Variants in WDR4 observed in about 807,000 individuals in gnomAD.
The protein encoded by WDR4 is WDR4 tRNA N7-guanosine methyltransferase non-catalytic subunit, also known as tRNA (guanine-N(7)-)-methyltransferase non-catalytic subunit WDR4.
WDR4 carries 47 observed loss-of-function variants against 48.6 expected under a neutral mutation model. That is an observed-to-expected ratio of 0.97 (90% CI 0.77 to 1.23). The LOEUF is 1.23. Among genes scored for constraint, WDR4 ranks in the 50% most tolerant of loss-of-function variants. The pLI is 0.00. For synonymous variants in WDR4, 268 were observed against 230.0 expected, an observed-to-expected ratio of 1.17 and a Z score of -1.49; for missense variants, 606 against 551.6, an observed-to-expected ratio of 1.10 and a Z score of -0.99.
downstream of WDR4, among the ~76,000 whole-genome samples, chr21:42,849,073 C>T (rs530098354): frequency 2.7e-5 from 3 of 110,140 alleles, no homozygotes; most frequent in African/African-American, 6.9e-5. Context: ...ACACACACAG[C>T]GCACGATCAC....
At chr21:42,880,884 A>G (rs2058602914), upstream of WDR4, among the ~76,000 whole-genome samples, 1 of 151,534 alleles carries the variant, frequency 6.6e-6, no homozygotes, top group Non-Finnish European at 1.5e-5. Flanking sequence ...TGGGCTTCTC[A>G]AGAATCTGAT....
At position 42,863,333 on chromosome 21, in the gene WDR4, G is replaced by C. The variant is rs557854460; in HGVS notation, c.453+107C>G. The C allele has an allele frequency of 3.0e-3, 4,152 of 1,380,506 alleles. 12 individuals are homozygous for C. The highest frequency in any genetic ancestry group is 3.2e-3 in the Non-Finnish European group (3,200 of 1,008,368). 85.5% of individuals were successfully genotyped at this position (1,380,506 alleles called of 1,614,324 possible). A position where few individuals can be genotyped will look rare whatever the true frequency, so the allele number is the denominator to read the frequency against. ...TCTAACAGCATGGACAGGTGCCTGA[G>C]CCTTGACAGGGTAGACATTGACTCA... On this transcript the variant is annotated intron_variant, in intron 4 of 10. Coordinates refer to ENST00000398208, the MANE Select transcript of WDR4 (RefSeq NM_018669.6).
chr21:42,873,354 GCACC>G (rs1243796957), intron 3 of WDR4, among the ~76,000 whole-genome samples, 193 bp downstream of exon 3: 1 of 152,168 alleles, frequency 6.6e-6, no homozygotes, highest in Admixed American at 6.5e-5. Flanking sequence ...CAGCACCCCT[GCACC>G]CTCCCAGAAC....
At chr21:42,876,854 C>T (rs1163512835) in intron 1 of WDR4, 87 bp from the exon 2 acceptor site, 13 of 1,243,204 alleles carry the variant, frequency 1.0e-5, no homozygotes, top group East Asian at 5.3e-5. Flanking sequence ...GTTTCGCTCT[C>T]GTTGTCCAGG....
intron 9 of WDR4, 112 bp from the exon 10 acceptor site, chr21:42,852,436 T>C: frequency 8.1e-7 from 1 of 1,236,426 alleles, no homozygotes; most frequent in African/African-American, 1.5e-5. Context: ...CCCCTCCTGG[T>C]GCCTGGGGAC....
intron 1 of WDR4, chr21:42,878,951 A>C (rs1314590807): frequency 1.0e-6 from 1 of 989,976 alleles, no homozygotes; most frequent in African/African-American, 1.7e-5. Flanking sequence ...GCGCGCTTGG[A>C]GGTCAGTGAG....
At chr21:42,845,673 G>A (rs375731429), downstream of WDR4, among the ~76,000 whole-genome samples, 143 of 152,334 alleles carry the variant, frequency 9.4e-4, no homozygotes, top group African/African-American at 3.1e-3. Context: ...ATCATGAGCC[G>A]CCACAGCCGC....
At chr21:42,879,303 C>A (rs1454560194) in intron 1 of WDR4, 104 bp downstream of exon 1, 5 of 1,525,782 alleles carry the variant, frequency 3.3e-6, no homozygotes, top group Non-Finnish European at 4.4e-6. Context: ...CCCGGGGTCA[C>A]CCCAGAGTGG....
intron 2 of WDR4, among the ~76,000 whole-genome samples, chr21:42,874,795 G>C (rs1343441423): frequency 1.3e-5 from 2 of 152,104 alleles, no homozygotes; most frequent in Non-Finnish European, 2.9e-5. Context: ...TGACAGTGGT[G>C]CCCGAAACTT....
intron 3 of WDR4, among the ~76,000 whole-genome samples, chr21:42,872,768 T>C (rs1467082548): frequency 6.6e-6 from 1 of 151,962 alleles, no homozygotes; most frequent in Non-Finnish European, 1.5e-5. Flanking sequence ...AAATCCCATC[T>C]CTACTAAAAA....
chr21:42,875,157 C>T (rs1297923305), intron 2 of WDR4, among the ~76,000 whole-genome samples: 2 of 152,088 alleles, frequency 1.3e-5, no homozygotes, highest in African/African-American at 4.8e-5. Context: ...GCTGAATTTC[C>T]CCCAATACTT....
Position 42,862,166 on chromosome 21 carries a change from GGCT to G in WDR4, c.566+113_566+115del. Reference sequence around the variant, plus strand: ...GCAGTGACCAAACACCAAGCACGGGGGCTGCTGTCACCCGCGTGGGGCCTCGCC... The same window carrying G: ...GCAGTGACCAAACACCAAGCACGGGGGCTGTCACCCGCGTGGGGCCTCGCC... On this transcript the variant is annotated intron_variant, in intron 5 of 10. Transcript: ENST00000398208. The surrounding 1 kb of genome is among the most constrained non-coding windows in gnomAD (Gnocchi z 4.3). The G allele has an allele frequency of 1.1e-6, 1 of 886,634 alleles. No homozygotes were observed. Among genetic ancestry groups the G allele is most frequent in the African/African-American group, 1.7e-5 (1 of 60,000 alleles). The allele number at this position is 886,634 out of a possible 1,614,324, so 54.9% of individuals were successfully genotyped here. A position where few individuals can be genotyped will look rare whatever the true frequency, so the allele number is the denominator to read the frequency against.
chr21:42,884,575 A>T, the WDR4 span, among the ~76,000 whole-genome samples: 1 of 151,300 alleles, frequency 6.6e-6, no homozygotes, highest in Non-Finnish European at 1.5e-5. Context: ...TGAACCCGGG[A>T]GGCAGAGGTT....
At chr21:42,876,218 C>CTTT (rs373181618) in intron 2 of WDR4, among the ~76,000 whole-genome samples, 6 of 105,854 alleles carry the variant, frequency 5.7e-5, no homozygotes, top group African/African-American at 7.8e-5. Flanking sequence ...ACACTGTACT[C>CTTT]TTTTTTTTTT....
chr21:42,859,818 G>T, intron 5 of WDR4, 96 bp from the exon 6 acceptor site: 1 of 1,255,094 alleles, frequency 8.0e-7, no homozygotes, highest in Non-Finnish European at 1.1e-6. Flanking sequence ...AGGAAGAGAA[G>T]CCTCTGCCCT....
chr21:42,851,053 C>G (rs1399359192), intron 10 of WDR4, among the ~76,000 whole-genome samples: 1 of 152,236 alleles, frequency 6.6e-6, no homozygotes, highest in Non-Finnish European at 1.5e-5. Context: ...TCTCCCAACG[C>G]AGGCCCCCAA....
chr21:42,887,281 G>A, the WDR4 span, among the ~76,000 whole-genome samples: 3 of 151,414 alleles, frequency 2.0e-5, no homozygotes, highest in African/African-American at 7.3e-5. Flanking sequence ...TGTGGGCCAC[G>A]GCGCCTGGCC....
In WDR4 at chr21:42,873,625, G is replaced by C. The variant is rs755177681; in HGVS notation, c.222C>G (p.Ser74Arg). 18 of 1,614,192 alleles carry C rather than the reference G, an allele frequency of 1.1e-5. No individual in the cohort carries two copies. The highest frequency in any genetic ancestry group is 8.5e-7 in the Non-Finnish European group (1 of 1,180,034). The change falls in exon 3 of 11, where the codon AGC (serine) becomes AGG (arginine). Residue 74 changes from serine to arginine, a missense_variant. Ser to Arg is a moderately radical substitution (Grantham distance 110). Coordinates refer to ENST00000398208, the MANE Select transcript of WDR4 (RefSeq NM_018669.6). ...TACTGTCATCGGTTAAAGCAAAATA[G>C]CTGCCAGACTTGGAGAAGGTGGACG... The part of the protein sequence containing the change: ...ILASTFSKSG[S>R]YFALTDDSKR...
At chr21:42,858,770 G>A (rs778999081) in intron 6 of WDR4, among the ~76,000 whole-genome samples, 33 of 152,262 alleles carry the variant, frequency 2.2e-4, no homozygotes, top group Non-Finnish European at 4.6e-4. Context: ...CAGGTCGCGT[G>A]GCTGTGTGTT....
Sources: allele counts gnomAD v4.1 joint callset (sites outside exome capture counted in the v4.1 genomes callset), GRCh38; gene constraint gnomAD v4.1.1; non-coding constraint Gnocchi (gnomAD v3.1); transcripts MANE v1.5; gene names NCBI Gene and HGNC (gene_info 2026-07-23, HGNC 2026-07-21).